Variants in MAD1L1 observed in about 807,000 individuals in gnomAD.
MAD1L1 encodes the protein mitotic arrest deficient 1 like 1.
MAD1L1 carries 95 observed loss-of-function variants against 96.9 expected under a neutral mutation model. That is an observed-to-expected ratio of 0.98 (90% CI 0.83 to 1.16). The LOEUF (loss-of-function observed/expected upper bound fraction) is 1.16. MAD1L1 is among the 50% of genes most tolerant of loss of function. MAD1L1 has a pLI of 0.00. For missense variants in MAD1L1, 1,007 were observed against 954.4 expected (o/e 1.06, Z -0.73); for synonymous variants, 473 against 396.6 (o/e 1.19, Z -2.29).
chr7:1,889,032 G>C (rs1438171790), intron 18 of MAD1L1, among the ~76,000 whole-genome samples: 2 of 152,216 alleles, frequency 1.3e-5, no homozygotes, highest in African/African-American at 4.8e-5. Flanking sequence ...TCAGCGCAAT[G>C]TGGCAGGCAT....
chr7:1,873,016 G>C (rs1462816816), intron 18 of MAD1L1, among the ~76,000 whole-genome samples: 1 of 152,248 alleles, frequency 6.6e-6, no homozygotes, highest in African/African-American at 2.4e-5. Flanking sequence ...CCCCAGGTGA[G>C]AAACGGAGAG....
At chr7:2,096,252 T>C (rs367806010) in intron 11 of MAD1L1, among the ~76,000 whole-genome samples, 3 of 152,088 alleles carry the variant, frequency 2.0e-5, no homozygotes, top group African/African-American at 7.2e-5. Flanking sequence ...ACACAAGGGC[T>C]CCCAGGAGGA....
At chr7:2,052,035 C>T (rs767297651) in intron 12 of MAD1L1, among the ~76,000 whole-genome samples, 1 of 152,146 alleles carries the variant, frequency 6.6e-6, no homozygotes, top group African/African-American at 2.4e-5. Flanking sequence ...GGAAAGACAA[C>T]CATTCATGCA....
intron 13 of MAD1L1, among the ~76,000 whole-genome samples, chr7:2,011,631 A>G (rs1423550829): frequency 6.6e-6 from 1 of 152,158 alleles, no homozygotes; most frequent in Non-Finnish European, 1.5e-5. Context: ...CTGGGAGGAA[A>G]GAGCTGACGC....
At position 1,815,916 on chromosome 7, in the gene MAD1L1, A is replaced by AAGCCCGACGT; in HGVS notation, c.*144_*153dup. The AAGCCCGACGT allele has an allele frequency of 1.1e-6, 1 of 901,768 alleles. No homozygotes were observed. Among genetic ancestry groups the AAGCCCGACGT allele is most frequent in the East Asian group, 2.7e-5 (1 of 36,466 alleles). 55.9% of individuals were successfully genotyped at this position (901,768 alleles called of 1,614,324 possible). On this transcript the variant is annotated 3_prime_UTR_variant, in exon 19 of 19. Coordinates refer to ENST00000265854, the MANE Select transcript of MAD1L1 (RefSeq NM_001013836.2). ...AGAGGGTGCTGGCCGCCCCAGCAGGAAGCCCGACGTAGGTCCCAGCGTGTC... is the reference window on the plus strand; with the variant it reads ...AGAGGGTGCTGGCCGCCCCAGCAGGAAGCCCGACGTAGCCCGACGTAGGTCCCAGCGTGTC...
chr7:1,833,895 C>T (rs192108890), intron 18 of MAD1L1, among the ~76,000 whole-genome samples: 1 of 152,192 alleles, frequency 6.6e-6, no homozygotes, highest in Non-Finnish European at 1.5e-5. Context: ...TTGCAGTGAG[C>T]TGAGATTGCG....
At chr7:1,952,669 G>C (rs1008778681) in intron 16 of MAD1L1, among the ~76,000 whole-genome samples, 5 of 152,146 alleles carry the variant, frequency 3.3e-5, no homozygotes, top group African/African-American at 1.2e-4. Flanking sequence ...GCCCTCCCGT[G>C]ATCCTGCCTC....
In MAD1L1 at chr7:1,865,475, T is replaced by A. The variant is rs532726863; in HGVS notation, c.1998+32725A>T. 2.0e-5 allele frequency among the ~76,000 whole-genome samples: 3 copies of A among 152,262 alleles called. No homozygotes were observed. In the South Asian group the frequency reaches 6.2e-4, roughly 32 times the overall value. ...CTCAGGACACCCTGCCCTGCAAGCTTCCCTTCAGTCTCCTCAGAAGAAATT... is the reference window on the plus strand; with the variant it reads ...CTCAGGACACCCTGCCCTGCAAGCTACCCTTCAGTCTCCTCAGAAGAAATT... On this transcript the variant is annotated intron_variant, in intron 18 of 18. Transcript: ENST00000265854.
intron 11 of MAD1L1, among the ~76,000 whole-genome samples, chr7:2,085,924 T>C (rs192294689): frequency 2.6e-5 from 4 of 152,282 alleles, no homozygotes; most frequent in Admixed American, 2.6e-4. Flanking sequence ...GACCACCAGG[T>C]GCGTACGAGG....
intron 16 of MAD1L1, among the ~76,000 whole-genome samples, chr7:1,939,786 G>C (rs1778856103): frequency 1.3e-5 from 2 of 152,224 alleles, no homozygotes; most frequent in Admixed American, 6.5e-5. Context: ...CCTCCCAAGA[G>C]CTCAGGCTGC....
At chr7:2,049,436 C>T (rs1784068959) in intron 12 of MAD1L1, among the ~76,000 whole-genome samples, 1 of 152,224 alleles carries the variant, frequency 6.6e-6, no homozygotes, top group Admixed American at 6.5e-5. Flanking sequence ...CTCATGCCCA[C>T]CATGGGTGGC....
At chr7:2,028,777 C>T (rs1783094278) in intron 12 of MAD1L1, among the ~76,000 whole-genome samples, 1 of 152,142 alleles carries the variant, frequency 6.6e-6, no homozygotes. Flanking sequence ...AGAGCCACCT[C>T]ACGTGAAGGT....
intron 18 of MAD1L1, among the ~76,000 whole-genome samples, chr7:1,893,284 AAGTCCTGGCTGGGATG>A (rs879596300): frequency 0.15 from 23,036 of 152,078 alleles, 2,187 homozygotes; most frequent in South Asian, 0.28. Flanking sequence ...CTGGGATGGG[AAGTCCTGGCTGGGATG>A]GGAAGCAGAG....
intron 18 of MAD1L1, among the ~76,000 whole-genome samples, chr7:1,863,738 C>A (rs1385528878): frequency 4.6e-5 from 7 of 152,168 alleles, no homozygotes; most frequent in Non-Finnish European, 1.0e-4. Flanking sequence ...TCCCGGAACA[C>A]CGTGGGCTCC....
intron 5 of MAD1L1, chr7:2,221,105 G>C: frequency 1.5e-6 from 2 of 1,372,428 alleles, no homozygotes; most frequent in Admixed American, 3.8e-5. Context: ...GACATGACAG[G>C]CCAAAGCAGC....
At chr7:2,168,425 C>G (rs957517835) in intron 10 of MAD1L1, among the ~76,000 whole-genome samples, 5 of 152,246 alleles carry the variant, frequency 3.3e-5, no homozygotes, top group Admixed American at 6.5e-5. Context: ...GTTCTTTGAA[C>G]TTGCTGAGCA....
intron 10 of MAD1L1, among the ~76,000 whole-genome samples, chr7:2,179,053 C>A (rs1187458764): frequency 6.6e-6 from 1 of 152,124 alleles, no homozygotes; most frequent in Non-Finnish European, 1.5e-5. Context: ...ACCATAAAAG[C>A]AACAGAAGAG....
rs1412010969 is a variant in MAD1L1, at chr7:1,904,773, C to T, written c.1808-6383G>A. Among the ~76,000 whole-genome samples the T allele has an allele frequency of 1.8e-4, 23 of 127,058 alleles. 3 individuals carry two copies. Among genetic ancestry groups the T allele is most frequent in the Admixed American group, 1.7e-3 (23 of 13,540 alleles). 83.4% of individuals were successfully genotyped at this position (127,058 alleles called of 152,430 possible). ...TTCCAGGCAGCAAGCACGCAGTGGC[C>T]TATTGAAGACGCTCCTGCGGAACTC... On this transcript the variant is annotated intron_variant, in intron 17 of 18. Transcript: ENST00000265854.
chr7:1,908,890 C>T (rs1048477351), intron 17 of MAD1L1, among the ~76,000 whole-genome samples: 9 of 152,346 alleles, frequency 5.9e-5, no homozygotes, highest in Non-Finnish European at 8.8e-5. Flanking sequence ...TCCCACCTCT[C>T]GTTAGATGTC....
Sources: allele counts gnomAD v4.1 joint callset (sites outside exome capture counted in the v4.1 genomes callset), GRCh38; gene constraint gnomAD v4.1.1; transcripts MANE v1.5; gene names NCBI Gene and HGNC (gene_info 2026-07-23, HGNC 2026-07-21).